C13orf42: variants seen among roughly 807,000 people sequenced by gnomAD.
C13orf42 encodes uncharacterized protein C13orf42.
At chr13:51,111,546 G>A (rs2138004662), upstream of C13orf42, among the ~76,000 whole-genome samples, 3 of 152,358 alleles carry the variant, frequency 2.0e-5, 1 homozygote, top group Middle Eastern at 6.8e-3. Context: ...GCTGGATGAA[G>A]AAAGTGGGAC....
At chr13:51,128,836 A>G (rs2138019779) in intron 1 of C13orf42, among the ~76,000 whole-genome samples, 1 of 152,360 alleles carries the variant, frequency 6.6e-6, no homozygotes, top group South Asian at 2.1e-4. Context: ...GAAAGGTTAC[A>G]TAGCTTGTAA....
At chr13:51,133,771 C>T (rs1323031715) in intron 1 of C13orf42, among the ~76,000 whole-genome samples, 2 of 152,240 alleles carry the variant, frequency 1.3e-5, no homozygotes, top group East Asian at 3.9e-4. Flanking sequence ...TCCTGCATCT[C>T]GAACTCTGTG....
rs181829336 is a variant in C13orf42 at position 51,119,033 on chromosome 13, G to T, written n.137-5811C>A. On this transcript the variant is annotated intron_variant and non_coding_transcript_variant, in intron 1 of 4. Transcript: ENST00000433280. Reference sequence around the variant, plus strand: ...ATGCCCAAGAGTACAGTATGCCCAGGTCTACAGTGTGCTCAGGCATATGGC... The same window carrying T: ...ATGCCCAAGAGTACAGTATGCCCAGTTCTACAGTGTGCTCAGGCATATGGC... Among the ~76,000 whole-genome samples the T allele has an allele frequency of 3.9e-4, 59 of 152,104 alleles. 1 individual carries two copies. The South Asian group carries it at 7.0e-3, about 18-fold the overall frequency.
At chr13:51,153,629 T>TTTTTTTTTGTTTG (rs1953800841) in intron 1 of C13orf42, among the ~76,000 whole-genome samples, 1 of 138,046 alleles carries the variant, frequency 7.2e-6, no homozygotes, top group African/African-American at 2.8e-5. Context: ...CTGTTTTTTT[T>TTTTTTTTTGTTTG]CTTTTTTTTT....
chr13:51,121,786 C>T (rs574209717), intron 1 of C13orf42, among the ~76,000 whole-genome samples: 1 of 152,144 alleles, frequency 6.6e-6, no homozygotes, highest in Non-Finnish European at 1.5e-5. Flanking sequence ...CCACCCGCCT[C>T]GGCCTCCCAA....
At chr13:51,147,803 A>G (rs1953749829) in intron 1 of C13orf42, among the ~76,000 whole-genome samples, 1 of 152,150 alleles carries the variant, frequency 6.6e-6, no homozygotes, top group Non-Finnish European at 1.5e-5. Context: ...ATCACCTGAG[A>G]GATGTTTAAA....
chr13:51,083,117 T>C lies in C13orf42; in HGVS notation c.*1034A>G, dbSNP rs1337854653. 4 of 152,184 alleles carry C rather than the reference T, an allele frequency of 2.6e-5. No individual in the cohort carries two copies. Among genetic ancestry groups the C allele is most frequent in the Non-Finnish European group, 4.4e-5 (3 of 68,044 alleles). 9.4% of individuals were successfully genotyped at this position (152,184 alleles called of 1,614,324 possible). A position where few individuals can be genotyped will look rare whatever the true frequency, so the allele number is the denominator to read the frequency against. ...CCTTCTGCCCAAAGACCCTTATACATGCACAGACTGGTTTACAAGAAAATG... is the reference window on the plus strand; with the variant it reads ...CCTTCTGCCCAAAGACCCTTATACACGCACAGACTGGTTTACAAGAAAATG... On this transcript the variant is annotated 3_prime_UTR_variant, in exon 4 of 4. Transcript: ENST00000563710.
At chr13:51,120,797 T>A (rs7989922) in intron 1 of C13orf42, among the ~76,000 whole-genome samples, 34,131 of 152,106 alleles carry the variant, frequency 0.22, 4,024 homozygotes, top group African/African-American at 0.3. Context: ...GTGCATCACT[T>A]GAGGTCAGGG....
chr13:51,107,393 T>C (rs1377518565), intron 1 of C13orf42, among the ~76,000 whole-genome samples: 1 of 152,264 alleles, frequency 6.6e-6, no homozygotes, highest in African/African-American at 2.4e-5. Context: ...GTCTATTTCA[T>C]AAAACTTTTG....
At chr13:51,171,242 C>T (rs538033573) in intron 1 of C13orf42, among the ~76,000 whole-genome samples, 41 of 152,218 alleles carry the variant, frequency 2.7e-4, no homozygotes, top group Non-Finnish European at 2.8e-4. Context: ...TCTGCAATGC[C>T]GTTTGACCCC....
intron 1 of C13orf42, among the ~76,000 whole-genome samples, chr13:51,090,789 C>A (rs1953173590): frequency 1.3e-5 from 2 of 152,138 alleles, no homozygotes; most frequent in Admixed American, 1.3e-4. Context: ...AAGCATCCGG[C>A]CATTGGCTAG....
chr13:51,110,739 T>C (rs9591389), intron 1 of C13orf42, 57 bp downstream of exon 1: 17,334 of 397,970 alleles, frequency 0.044, 1,100 homozygotes, highest in African/African-American at 0.2. Flanking sequence ...TTTCAAACAG[T>C]TGCCCAAGGC....
chr13:51,153,625 T>TTTTTTTTTGTTTGTTTG (rs2138040744), intron 1 of C13orf42, among the ~76,000 whole-genome samples: 1 of 142,362 alleles, frequency 7.0e-6, no homozygotes, highest in African/African-American at 2.7e-5. Flanking sequence ...CTTTCTGTTT[T>TTTTTTTTTGTTTGTTTG]TTTTCTTTTT....
chr13:51,163,141 C>T (rs1281397187), intron 1 of C13orf42, among the ~76,000 whole-genome samples: 3 of 152,190 alleles, frequency 2.0e-5, no homozygotes, highest in Non-Finnish European at 4.4e-5. Context: ...TGGCTTCACC[C>T]CTGCTCAGGG....
intron 1 of C13orf42, among the ~76,000 whole-genome samples, chr13:51,091,698 C>A (rs1405958328): frequency 6.6e-6 from 1 of 152,166 alleles, no homozygotes; most frequent in African/African-American, 2.4e-5. Flanking sequence ...GCTGAATCAT[C>A]ACTCTACAGG....
intron 1 of C13orf42, among the ~76,000 whole-genome samples, chr13:51,125,558 A>G (rs1454576520): frequency 6.6e-6 from 1 of 152,216 alleles, no homozygotes; most frequent in Non-Finnish European, 1.5e-5. Context: ...GGGTGGATTA[A>G]TCAATTGCTG....
At chr13:51,168,584 G>T (rs2138055006) in intron 1 of C13orf42, among the ~76,000 whole-genome samples, 1 of 152,338 alleles carries the variant, frequency 6.6e-6, no homozygotes, top group African/African-American at 2.4e-5. Flanking sequence ...TGTAGATAAA[G>T]GCAACTCCCT....
intron 1 of C13orf42, among the ~76,000 whole-genome samples, chr13:51,159,801 G>GTTC (rs10647207): frequency 0.16 from 24,706 of 152,116 alleles, 2,329 homozygotes; most frequent in East Asian, 0.27. Context: ...TCATATGTAA[G>GTTC]ACAGTGTATT....
At chr13:51,151,138 C>T (rs12871079) in intron 1 of C13orf42, among the ~76,000 whole-genome samples, 15,135 of 152,190 alleles carry the variant, frequency 0.099, 1,085 homozygotes, top group African/African-American at 0.2. Flanking sequence ...TATGTCACAC[C>T]ACATGGTAAT....
Sources: gnomAD v4.1 joint callset for allele counts (sites outside exome capture counted in the v4.1 genomes callset) on GRCh38, gnomAD v4.1.1 for gene constraint, MANE v1.5 for transcripts, NCBI Gene and HGNC (gene_info 2026-07-23, HGNC 2026-07-21) for gene names.